The following ATRNL1 variants were observed in gnomAD, a reference collection of about 807,000 sequenced individuals.
ATRNL1 encodes attractin like 1, also known as attractin-like protein 1.
In ATRNL1, 95 loss-of-function variants were observed where a neutral mutation model predicts 182.7. The observed-to-expected ratio is 0.52, with a 90% CI of 0.44 to 0.62. The LOEUF is 0.62. Among genes scored for constraint, ATRNL1 ranks in the 20% least tolerant of loss-of-function variants. The probability of loss-of-function intolerance (pLI) is 0.00; values close to 1 mark genes in which losing one functional copy is unlikely to be tolerated. For missense variants in ATRNL1, 1,471 were observed against 1,679.5 expected (o/e 0.88, Z 2.17); for synonymous variants, 576 against 568.3 (o/e 1.01, Z -0.19).
chr10:115,585,443 T>A (rs1414483910), intron 26 of ATRNL1, among the ~76,000 whole-genome samples: 2 of 128,406 alleles, frequency 1.6e-5, no homozygotes, highest in Non-Finnish European at 3.4e-5. Flanking sequence ...CTGTATTGGG[T>A]GCATATATAT....
chr10:115,879,312 AAAAG>A (rs1206701314), intron 28 of ATRNL1, among the ~76,000 whole-genome samples: 6 of 150,882 alleles, frequency 4.0e-5, no homozygotes, highest in African/African-American at 1.2e-4. Context: ...TCTCAAAAAA[AAAAG>A]AAAGAAAGAA....
intron 24 of ATRNL1, among the ~76,000 whole-genome samples, chr10:115,493,578 A>C (rs572704918): frequency 6.6e-6 from 1 of 152,290 alleles, no homozygotes; most frequent in South Asian, 2.1e-4. Context: ...ATAAACATAC[A>C]CATGCATGTT....
intron 28 of ATRNL1, among the ~76,000 whole-genome samples, chr10:115,917,425 G>A (rs1009950888): frequency 9.3e-5 from 12 of 129,154 alleles, no homozygotes; most frequent in African/African-American, 2.3e-4. Context: ...AGCTGAGATC[G>A]CACCGCTGCA....
chr10:115,129,459 C>G lies in ATRNL1; in HGVS notation c.753C>G (p.Ala251=). The change falls in exon 5 of 29, where the codon GCC becomes GCG. Residue 251 remains alanine (A), a synonymous_variant. Transcript: ENST00000355044. ...GEACDIPYCK[A]NCGSPDHGYC... is the part of the protein sequence containing the mutation. ...CTTGTGATATTCCTTACTGTAAAGCCAATTGCGGCAGTCCAGATCACGGTT... is the reference window on the plus strand; with the variant it reads ...CTTGTGATATTCCTTACTGTAAAGCGAATTGCGGCAGTCCAGATCACGGTT... 1 of 1,614,010 alleles carries G rather than the reference C, an allele frequency of 6.2e-7. No homozygotes were observed. The highest frequency in any genetic ancestry group is 2.2e-5 in the East Asian group (1 of 44,858).
chr10:115,911,790 A>G (rs1952686193), intron 28 of ATRNL1, among the ~76,000 whole-genome samples: 2 of 152,142 alleles, frequency 1.3e-5, no homozygotes, highest in South Asian at 4.1e-4. Flanking sequence ...AGCACAAGGA[A>G]GAGCACAAGG....
rs1565310811 is a variant in ATRNL1 at position 115,713,701 on chromosome 10, CTATCATCTATCT to C, written c.3796-13546_3796-13535del. Reference sequence around the variant, plus strand: ...TCTATCTATCTATCTATCTATCTATCTATCATCTATCTATCTATCTATCTATCTATCTATCTA... The same window carrying C: ...TCTATCTATCTATCTATCTATCTATCATCTATCTATCTATCTATCTATCTA... On this transcript the variant is annotated intron_variant, in intron 26 of 28. Coordinates refer to ENST00000355044, the MANE Select transcript of ATRNL1 (RefSeq NM_207303.4). Among the ~76,000 whole-genome samples the C allele has an allele frequency of 1.2e-3, 59 of 50,186 alleles. 1 individual carries two copies. The highest frequency in any genetic ancestry group is 1.5e-3 in the East Asian group (1 of 652). 32.9% of individuals were successfully genotyped at this position (50,186 alleles called of 152,430 possible).
chr10:115,641,684 CTTAT>C (rs1201221153), intron 26 of ATRNL1, among the ~76,000 whole-genome samples: 2 of 152,026 alleles, frequency 1.3e-5, no homozygotes, highest in Admixed American at 6.6e-5. Context: ...TAGCAACATG[CTTAT>C]TTAAACCTTT....
Position 115,444,881 on chromosome 10 carries a change from G to A in ATRNL1, c.3323-17060G>A, listed in dbSNP as rs1045680005. On this transcript the variant is annotated intron_variant, in intron 21 of 28. Coordinates refer to ENST00000355044, the MANE Select transcript of ATRNL1 (RefSeq NM_207303.4). ...TGAGAAGCTGGGATTACAGGTGTGC[G>A]CCACCACGCCAGCCTATTTTTGTAT... Among the ~76,000 whole-genome samples, 10 of 151,338 alleles carry A rather than the reference G, an allele frequency of 6.6e-5. No homozygotes were observed. In the East Asian group the frequency reaches 8.0e-4, roughly 12 times the overall value.
At chr10:115,621,884 C>T (rs953080056) in intron 26 of ATRNL1, among the ~76,000 whole-genome samples, 3 of 152,070 alleles carry the variant, frequency 2.0e-5, no homozygotes, top group Admixed American at 1.3e-4. Flanking sequence ...AAGAGAAATG[C>T]GGGTTCCTTA....
intron 28 of ATRNL1, among the ~76,000 whole-genome samples, chr10:115,908,000 C>T (rs1952554258): frequency 6.6e-6 from 1 of 152,278 alleles, no homozygotes; most frequent in Non-Finnish European, 1.5e-5. Flanking sequence ...AGCTATTTTT[C>T]CTATCCATTA....
intron 27 of ATRNL1, among the ~76,000 whole-genome samples, chr10:115,758,004 T>C (rs2134136747): frequency 6.6e-6 from 1 of 152,004 alleles, no homozygotes; most frequent in East Asian, 2.0e-4. Flanking sequence ...GATTTTCAGC[T>C]CCATCAGGTC....
intron 28 of ATRNL1, among the ~76,000 whole-genome samples, chr10:115,895,392 C>T (rs1388935554): frequency 6.6e-6 from 1 of 152,202 alleles, no homozygotes; most frequent in African/African-American, 2.4e-5. Context: ...CATACAGGAG[C>T]GTGTTGCACA....
intron 27 of ATRNL1, among the ~76,000 whole-genome samples, chr10:115,750,473 A>T (rs1555070392): frequency 6.6e-6 from 1 of 151,890 alleles, no homozygotes; most frequent in African/African-American, 2.4e-5. Flanking sequence ...AATTCTAAAA[A>T]GATCAAAAAT....
At chr10:115,656,695 A>G (rs1357799196) in intron 26 of ATRNL1, among the ~76,000 whole-genome samples, 4 of 152,244 alleles carry the variant, frequency 2.6e-5, no homozygotes, top group African/African-American at 9.6e-5. Context: ...ATGCAAGTGT[A>G]TGGCAGTAAA....
intron 20 of ATRNL1, among the ~76,000 whole-genome samples, chr10:115,420,646 G>A (rs1251360992): frequency 6.6e-6 from 1 of 151,878 alleles, no homozygotes; most frequent in Non-Finnish European, 1.5e-5. Flanking sequence ...GTACCTCAAA[G>A]ACCTAGAAAA....
At chr10:115,766,397 C>G (rs533197718) in intron 27 of ATRNL1, among the ~76,000 whole-genome samples, 1 of 152,304 alleles carries the variant, frequency 6.6e-6, no homozygotes, top group South Asian at 2.1e-4. Flanking sequence ...AAAGATGTTT[C>G]CAGACATTAC....
intron 9 of ATRNL1, among the ~76,000 whole-genome samples, chr10:115,218,360 T>A (rs141540289): frequency 2.0e-3 from 298 of 152,300 alleles, no homozygotes; most frequent in African/African-American, 6.8e-3. Flanking sequence ...ATATTCTGCC[T>A]TGACTTTAAC....
intron 26 of ATRNL1, among the ~76,000 whole-genome samples, chr10:115,592,337 G>A: frequency 6.6e-6 from 1 of 152,114 alleles, no homozygotes; most frequent in East Asian, 1.9e-4. Context: ...AAACAAACAA[G>A]AGATCGCCAG....
intron 19 of ATRNL1, among the ~76,000 whole-genome samples, chr10:115,372,390 T>A (rs1269772143): frequency 1.4e-5 from 2 of 147,174 alleles, no homozygotes; most frequent in African/African-American, 2.6e-5. Context: ...TTTGTCTATA[T>A]TTTTTTTGTC....
Sources: gnomAD v4.1 joint callset for allele counts (sites outside exome capture counted in the v4.1 genomes callset) on GRCh38, gnomAD v4.1.1 for gene constraint, MANE v1.5 for transcripts, NCBI Gene and HGNC (gene_info 2026-07-23, HGNC 2026-07-21) for gene names.